PCDH10: variants seen among roughly 807,000 people sequenced by gnomAD.
The protein encoded by PCDH10 is protocadherin-10.
PCDH10 carries 15 observed loss-of-function variants against 74.4 expected under a neutral mutation model. The observed-to-expected ratio is 0.20, with a 90% CI of 0.13 to 0.31. The LOEUF (loss-of-function observed/expected upper bound fraction) is 0.31. PCDH10 is among the 10% of genes least tolerant of loss of function. The probability of loss-of-function intolerance (pLI) is 1.00; values close to 1 mark genes in which losing one functional copy is unlikely to be tolerated. For missense variants in PCDH10, 1,260 were observed against 1,390.2 expected (o/e 0.91, Z 1.49); for synonymous variants, 619 against 589.8 (o/e 1.05, Z -0.72).
In PCDH10 at chr4:133,188,136, G is replaced by T. The variant is rs1221031368; in HGVS notation, c.3104-2005G>T. Among the ~76,000 whole-genome samples, 13 of 152,102 alleles carry T rather than the reference G, an allele frequency of 8.5e-5. No homozygotes were observed. The East Asian group carries it at 1.7e-3, about 20-fold the overall frequency. Reference sequence around the variant, plus strand: ...CCCAACCCAGCTTATTTTGAAAGGAGTAATATTATTTGTCGGTGACAATAT... The same window carrying T: ...CCCAACCCAGCTTATTTTGAAAGGATTAATATTATTTGTCGGTGACAATAT... On this transcript the variant is annotated intron_variant, in intron 4 of 4. Coordinates refer to ENST00000264360, the MANE Select transcript of PCDH10 (RefSeq NM_032961.3).
intron 2 of PCDH10, among the ~76,000 whole-genome samples, chr4:133,199,928 G>C (rs775022406): frequency 4.5e-4 from 68 of 151,126 alleles, no homozygotes; most frequent in Non-Finnish European, 7.7e-4. Context: ...CTCCCGAGCT[G>C]CTGGGACTAC....
At chr4:133,205,195 C>T (rs1050306029) in intron 2 of PCDH10, among the ~76,000 whole-genome samples, 1 of 151,918 alleles carries the variant, frequency 6.6e-6, no homozygotes, top group Non-Finnish European at 1.5e-5. Context: ...GACGCCAACA[C>T]ATAACAATGG....
intron 3 of PCDH10, among the ~76,000 whole-genome samples, chr4:133,160,782 AT>A (rs1726953662): frequency 1.3e-5 from 2 of 151,840 alleles, no homozygotes; most frequent in South Asian, 4.1e-4. Context: ...ATTAGTTCTA[AT>A]GTATATTGGA....
At chr4:133,164,122 A>G in intron 4 of PCDH10, 1 of 428,814 alleles carries the variant, frequency 2.3e-6, no homozygotes, top group Non-Finnish European at 4.6e-6. Context: ...CAAATACCCC[A>G]GCATGATGTA....
rs1380421203 is a variant in PCDH10 at position 133,150,404 on chromosome 4, C to A, written c.264C>A (p.Ser88Arg). ...KIDREQICKQ[S>R]PSCVLHLEVF... Reference sequence around the variant, plus strand: ...ACCGCGAACAAATCTGCAAACAGAGCCCCTCCTGTGTCCTGCACCTGGAGG... The same window carrying A: ...ACCGCGAACAAATCTGCAAACAGAGACCCTCCTGTGTCCTGCACCTGGAGG... Residue 88 changes from serine to arginine, a missense_variant, in exon 1 of 5, where the codon AGC (serine) becomes AGA (arginine). Physicochemically the swap from Ser to Arg is moderately radical, Grantham distance 110. Around this residue, in one of 11 missense-constraint regions of PCDH10, gnomAD observed 63 missense variants for 100.7 expected, o/e 0.63. Transcript: ENST00000264360. 2 of 1,613,874 alleles carry A rather than the reference C, an allele frequency of 1.2e-6. No homozygotes were observed. The highest frequency in any genetic ancestry group is 1.7e-6 in the Non-Finnish European group (2 of 1,179,998).
chr4:133,178,224 T>TTGTTTTG (rs1727334935), intron 4 of PCDH10, among the ~76,000 whole-genome samples: 1 of 152,134 alleles, frequency 6.6e-6, no homozygotes, highest in South Asian at 2.1e-4. Context: ...GTGTTTTTTT[T>TTGTTTTG]TGTTTTGTTT....
rs1727693412 is a variant in PCDH10 at position 133,192,252 on chromosome 4, A to G, written c.*2092A>G. On this transcript the variant is annotated 3_prime_UTR_variant, in exon 5 of 5. Coordinates refer to ENST00000264360, the MANE Select transcript of PCDH10 (RefSeq NM_032961.3). ...CATTACTACATTAATATTTTGAATG[A>G]TAGACTATTTTAGTAAGGAAATGTT... 1 of 151,708 alleles carries G rather than the reference A, an allele frequency of 6.6e-6. No individual in the cohort carries two copies. The highest frequency in any genetic ancestry group is 1.5e-5 in the Non-Finnish European group (1 of 67,668). 9.4% of individuals were successfully genotyped at this position (151,708 alleles called of 1,614,324 possible). A position where few individuals can be genotyped will look rare whatever the true frequency, so the allele number is the denominator to read the frequency against.
chr4:133,173,708 G>A (rs1727240690), intron 4 of PCDH10, among the ~76,000 whole-genome samples: 1 of 147,408 alleles, frequency 6.8e-6, no homozygotes, highest in African/African-American at 2.5e-5. Flanking sequence ...TTTTTTAGAG[G>A]AAAAAGATTT....
At chr4:133,177,876 T>A (rs1727327708) in intron 4 of PCDH10, among the ~76,000 whole-genome samples, 1 of 152,132 alleles carries the variant, frequency 6.6e-6, no homozygotes, top group Non-Finnish European at 1.5e-5. Flanking sequence ...TATCTTTGAC[T>A]ATCTTTGGAA....
downstream of PCDH10, among the ~76,000 whole-genome samples, chr4:133,197,775 C>T (rs1235722538): frequency 6.6e-6 from 1 of 152,084 alleles, no homozygotes; most frequent in Non-Finnish European, 1.5e-5. Flanking sequence ...TTCTCCCTAT[C>T]ATTGTGAATA....
intron 3 of PCDH10, among the ~76,000 whole-genome samples, chr4:133,156,631 T>C (rs1020081584): frequency 3.3e-5 from 5 of 152,250 alleles, no homozygotes; most frequent in Non-Finnish European, 4.4e-5. Flanking sequence ...TTTAAAACTT[T>C]TAAAACAAAA....
At chr4:133,208,602 T>C (rs1392238498) in exon 3 of PCDH10, 2 of 152,198 alleles carry the variant, frequency 1.3e-5, no homozygotes, top group Non-Finnish European at 2.9e-5. Context: ...ACTTACCAGA[T>C]GAAACATGTA....
In PCDH10 at chr4:133,150,296, G is replaced by A. The variant is rs1726631025; in HGVS notation, c.156G>A (p.Gly52=). 10 of 1,613,824 alleles carry A rather than the reference G, an allele frequency of 6.2e-6. No homozygotes were observed. Among genetic ancestry groups the A allele is most frequent in the Non-Finnish European group, 8.5e-6 (10 of 1,179,978 alleles). ...ACATTACAAAACTTTCGGCTCGCGG[G>A]TTTCAGACGGTGCCCAACTCAAGGA... ...GLDITKLSAR[G]FQTVPNSRTP... is the part of the protein sequence containing the mutation. Residue 52 remains glycine, a synonymous_variant, in exon 1 of 5, where the codon GGG becomes GGA. Coordinates refer to ENST00000264360, the MANE Select transcript of PCDH10 (RefSeq NM_032961.3).
chr4:133,162,775 A>T lies in PCDH10; in HGVS notation c.2798-202A>T, dbSNP rs112781184. Among the ~76,000 whole-genome samples the T allele has an allele frequency of 5.8e-3, 877 of 152,320 alleles. 8 individuals are homozygous for T. Among genetic ancestry groups the T allele is most frequent in the African/African-American group, 0.021 (856 of 41,574 alleles). ...CTTTGCCAGAAGAGTCTTATCTTTT[A>T]CATTTGCAGATCATTTTCCCTTTTT... On this transcript the variant is annotated intron_variant, in intron 3 of 4. Transcript: ENST00000264360.
chr4:133,162,396 A>G (rs1726987217), intron 3 of PCDH10, among the ~76,000 whole-genome samples: 1 of 152,164 alleles, frequency 6.6e-6, no homozygotes, highest in Admixed American at 6.6e-5. Flanking sequence ...GCTGCTAATG[A>G]AATTGTGTTT....
At chr4:133,183,125 C>T (rs1727449985) in intron 4 of PCDH10, among the ~76,000 whole-genome samples, 1 of 151,974 alleles carries the variant, frequency 6.6e-6, no homozygotes, top group Non-Finnish European at 1.5e-5. Context: ...AGCTAATACA[C>T]TATCACTAGT....
At chr4:133,176,931 A>G (rs1330439532) in intron 4 of PCDH10, among the ~76,000 whole-genome samples, 1 of 152,090 alleles carries the variant, frequency 6.6e-6, no homozygotes, top group Non-Finnish European at 1.5e-5. Context: ...AGCATATTAT[A>G]TTTGATAATT....
chr4:133,162,606 G>T (rs190979822), intron 3 of PCDH10, among the ~76,000 whole-genome samples: 123 of 152,148 alleles, frequency 8.1e-4, no homozygotes, highest in African/African-American at 2.9e-3. Flanking sequence ...ACACCTTGTT[G>T]TTTTATCTGT....
chr4:133,151,048 T>A lies in PCDH10; in HGVS notation c.908T>A (p.Leu303His). The A allele has an allele frequency of 1.9e-6, 3 of 1,613,968 alleles. No homozygotes were observed. Among genetic ancestry groups the A allele is most frequent in the Non-Finnish European group, 2.5e-6 (3 of 1,180,016 alleles). Residue 303 changes from leucine (L) to histidine (H), a missense_variant, in exon 1 of 5, where the codon CTC becomes CAC. By Grantham distance (99) the Leu-to-His change is moderately conservative. This residue lies in a region of PCDH10 where 192 missense variants were observed against 161.2 expected (regional missense o/e 1.19). Coordinates refer to ENST00000264360, the MANE Select transcript of PCDH10 (RefSeq NM_032961.3). Reference sequence around the variant, plus strand: ...CCCCGGGCGCGGGAGCTTTTCGGACTCTCGCCGCGCACTGGCAGACTGGAG... The same window carrying A: ...CCCCGGGCGCGGGAGCTTTTCGGACACTCGCCGCGCACTGGCAGACTGGAG... ...ISPRARELFG[L>H]SPRTGRLEVS... is the part of the protein sequence containing the mutation.
Sources: gnomAD v4.1 joint callset for allele counts (sites outside exome capture counted in the v4.1 genomes callset) on GRCh38, gnomAD v4.1.1 for gene constraint, gnomAD v4.1.1 regional missense constraint, MANE v1.5 for transcripts, NCBI Gene and HGNC (gene_info 2026-07-23, HGNC 2026-07-21) for gene names.